The following NCOA5 variants were observed in gnomAD, a reference collection of about 807,000 sequenced individuals.
NCOA5 encodes nuclear receptor coactivator 5.
Under a neutral mutation model 59.0 loss-of-function variants are expected in NCOA5, and 12 were observed. The observed-to-expected ratio is 0.20, with a 90% CI of 0.13 to 0.33. The LOEUF (loss-of-function observed/expected upper bound fraction) is 0.33. Ranked by LOEUF, NCOA5 falls within the 10% of genes least tolerant of loss-of-function variation. The pLI is 1.00. For synonymous variants in NCOA5, 270 were observed against 275.5 expected (o/e 0.98, Z 0.20); for missense variants, 655 against 766.6 (o/e 0.85, Z 1.72).
intron 5 of NCOA5, among the ~76,000 whole-genome samples, chr20:46,065,785 T>C (rs1030543669): frequency 6.6e-6 from 1 of 152,210 alleles, no homozygotes; most frequent in East Asian, 1.9e-4. Context: ...TCATCACCTG[T>C]ATGCTTTTGT....
At position 46,063,625 on chromosome 20, in the gene NCOA5, C is replaced by T; in HGVS notation, c.885G>A (p.Glu295=). Residue 295 remains glutamate (E), a synonymous_variant, in exon 7 of 8, where the codon GAG becomes GAA. Coordinates refer to ENST00000290231, the MANE Select transcript of NCOA5 (RefSeq NM_020967.3). ...DAMVLVARNY[E]RYKNECREKE... Reference sequence around the variant, plus strand: ...TCTCCCGGCACTCATTCTTGTAACGCTCATAATTTCTGGCCACCAGCACCA... The same window carrying T: ...TCTCCCGGCACTCATTCTTGTAACGTTCATAATTTCTGGCCACCAGCACCA... 1.2e-6 allele frequency: 2 copies of T among 1,614,132 alleles called. No homozygotes were observed. Among genetic ancestry groups the T allele is most frequent in the Non-Finnish European group, 1.7e-6 (2 of 1,180,040 alleles).
At chr20:46,085,303 A>T (rs770946053) in intron 1 of NCOA5, among the ~76,000 whole-genome samples, 4 of 152,078 alleles carry the variant, frequency 2.6e-5, no homozygotes, top group Non-Finnish European at 5.9e-5. Flanking sequence ...TTGGGATTAT[A>T]GGCATGAGTC....
intron 1 of NCOA5, among the ~76,000 whole-genome samples, chr20:46,088,111 C>T (rs1000210951): frequency 6.6e-6 from 1 of 152,190 alleles, no homozygotes; most frequent in African/African-American, 2.4e-5. Context: ...CTTACATTCA[C>T]ATAAACAGAT....
chr20:46,063,312 G>C, intron 7 of NCOA5, 48 bp downstream of exon 7: 1 of 1,578,202 alleles, frequency 6.3e-7, no homozygotes, highest in Non-Finnish European at 8.6e-7. Context: ...CTGGGGATTA[G>C]AGAAATGCAG....
At chr20:46,062,910 G>A in intron 7 of NCOA5, 21 bp from the exon 8 acceptor site, 1 of 1,509,118 alleles carries the variant, frequency 6.6e-7, no homozygotes, top group Non-Finnish European at 8.8e-7. Context: ...GAAGAGGGAG[G>A]TATCTGGTTC....
intron 3 of NCOA5, among the ~76,000 whole-genome samples, chr20:46,069,101 T>C (rs939356345): frequency 2.0e-5 from 3 of 152,046 alleles, no homozygotes; most frequent in Admixed American, 1.3e-4. Flanking sequence ...CGTGAGCCAC[T>C]GCGCCTGGCC....
chr20:46,075,498 T>A (rs956700455), intron 2 of NCOA5, among the ~76,000 whole-genome samples: 1 of 152,210 alleles, frequency 6.6e-6, no homozygotes, highest in African/African-American at 2.4e-5. Context: ...CGATACCCAA[T>A]GACTTTCACC....
intron 3 of NCOA5, 49 bp from the exon 4 acceptor site, chr20:46,068,687 GAA>G: frequency 6.4e-7 from 1 of 1,569,180 alleles, no homozygotes; most frequent in East Asian, 2.3e-5. Flanking sequence ...GTCTTATCCT[GAA>G]AAAGTCACCT....
chr20:46,081,689 T>C (rs901097297), intron 1 of NCOA5, among the ~76,000 whole-genome samples: 4 of 152,122 alleles, frequency 2.6e-5, no homozygotes, highest in Non-Finnish European at 5.9e-5. Flanking sequence ...TAGTGTAGTA[T>C]GTCAAGTATC....
chr20:46,078,931 C>T (rs1237634765), intron 2 of NCOA5, among the ~76,000 whole-genome samples: 1 of 152,146 alleles, frequency 6.6e-6, no homozygotes, highest in Non-Finnish European at 1.5e-5. Context: ...GGATCTGCAG[C>T]ACAGGCACAG....
intron 1 of NCOA5, among the ~76,000 whole-genome samples, chr20:46,082,145 A>G (rs1424228056): frequency 6.6e-6 from 1 of 152,196 alleles, no homozygotes; most frequent in Non-Finnish European, 1.5e-5. Context: ...CTTTACATAA[A>G]AGGAAGAAAC....
At chr20:46,089,526 G>A (rs1165627074) in intron 1 of NCOA5, among the ~76,000 whole-genome samples, 3 of 152,216 alleles carry the variant, frequency 2.0e-5, no homozygotes, top group Non-Finnish European at 2.9e-5. Flanking sequence ...CCTAGTGACC[G>A]ACCGTTCGTG....
intron 1 of NCOA5, among the ~76,000 whole-genome samples, chr20:46,080,592 T>C (rs1043831618): frequency 5.9e-5 from 9 of 152,182 alleles, no homozygotes; most frequent in South Asian, 4.1e-4. Flanking sequence ...CTTAGAGGTC[T>C]GGTAGAGATT....
At chr20:46,080,162 T>C (rs1009439833) in intron 1 of NCOA5, among the ~76,000 whole-genome samples, 2 of 152,258 alleles carry the variant, frequency 1.3e-5, no homozygotes, top group African/African-American at 2.4e-5. Context: ...GGCTGGCGTA[T>C]AGAACTAGAT....
chr20:46,064,948 G>T, intron 6 of NCOA5, 81 bp downstream of exon 6: 1 of 1,423,012 alleles, frequency 7.0e-7, no homozygotes, highest in African/African-American at 1.4e-5. Context: ...AGAGTCATTT[G>T]CCCAAAACCT....
chr20:46,069,624 G>C (rs2084860478), intron 3 of NCOA5, among the ~76,000 whole-genome samples: 1 of 152,038 alleles, frequency 6.6e-6, no homozygotes, highest in Admixed American at 6.5e-5. Flanking sequence ...CCAGTTACTT[G>C]AGAGGCTGAG....
At chr20:46,064,023 C>G (rs1176790521) in intron 6 of NCOA5, among the ~76,000 whole-genome samples, 1 of 152,230 alleles carries the variant, frequency 6.6e-6, no homozygotes, top group Non-Finnish European at 1.5e-5. Context: ...CCAACAGCCT[C>G]TAGACCAGCA....
chr20:46,065,308 T>C (rs2903908), intron 5 of NCOA5, 80 bp from the exon 6 acceptor site: 347,074 of 1,370,774 alleles, frequency 0.25, 45,365 homozygotes, highest in East Asian at 0.34. Flanking sequence ...TGTGTGTTCC[T>C]ACTGATAACT....
chr20:46,063,785 A>C, intron 6 of NCOA5, 105 bp from the exon 7 acceptor site: 1 of 1,176,008 alleles, frequency 8.5e-7, no homozygotes, highest in Non-Finnish European at 1.2e-6. Context: ...CAAGAAAATC[A>C]TTTTGGTGAC....
Sources: allele counts gnomAD v4.1 joint callset (sites outside exome capture counted in the v4.1 genomes callset), GRCh38; gene constraint gnomAD v4.1.1; transcripts MANE v1.5; gene names NCBI Gene and HGNC (gene_info 2026-07-23, HGNC 2026-07-21).